USP47: variants seen among roughly 807,000 people sequenced by gnomAD.
USP47 encodes the protein ubiquitin specific peptidase 47.
Under a neutral mutation model 165.1 loss-of-function variants are expected in USP47, and 35 were observed. The observed-to-expected ratio is 0.21, with a 90% confidence interval of 0.16 to 0.28. The LOEUF is 0.28. Among genes scored for constraint, USP47 ranks in the 10% least tolerant of loss-of-function variants. The probability of loss-of-function intolerance (pLI) is 1.00; values close to 1 mark genes in which losing one functional copy is unlikely to be tolerated. For synonymous variants in USP47, 531 were observed against 544.5 expected (o/e 0.98, Z 0.35); for missense variants, 1,277 against 1,607.4 (o/e 0.79, Z 3.52).
At chr11:11,922,675 T>C (rs993503366) in intron 10 of USP47, 49 bp from the exon 11 acceptor site, 4 of 1,490,228 alleles carry the variant, frequency 2.7e-6, no homozygotes, top group Non-Finnish European at 3.6e-6. Flanking sequence ...TTGTTGAACA[T>C]ATTTTCTCTG....
chr11:11,875,033 TTG>T (rs57342188), intron 1 of USP47, among the ~76,000 whole-genome samples: 13,616 of 94,906 alleles, frequency 0.14, 767 homozygotes, highest in African/African-American at 0.16. Context: ...AATTGACTTA[TTG>T]TGTGTGTGTG....
At chr11:11,854,815 C>T (rs1472688330) in intron 1 of USP47, among the ~76,000 whole-genome samples, 6 of 146,682 alleles carry the variant, frequency 4.1e-5, no homozygotes, top group Non-Finnish European at 7.6e-5. Context: ...ACACATAGGC[C>T]GGGTGTGGTG....
In USP47 at chr11:11,956,707, C is replaced by CGTA. The variant is rs1163890186; in HGVS notation, c.*533_*535dup. The stretch of plus-strand genomic sequence containing the variant: ...AAGAAAAGAAATTCTTGGAACCAGC[C>CGTA]GTAACCCAGTAAGGAATTGTGAAGT... On this transcript the variant is annotated 3_prime_UTR_variant, in exon 28 of 28. Transcript: ENST00000527733. 1 of 152,750 alleles carries CGTA rather than the reference C, an allele frequency of 6.5e-6. No individual in the cohort carries two copies. Among genetic ancestry groups the CGTA allele is most frequent in the Admixed American group, 6.5e-5 (1 of 15,288 alleles). The allele number at this position is 152,750 out of a possible 1,614,324, so 9.5% of individuals were successfully genotyped here. A position where few individuals can be genotyped will look rare whatever the true frequency, so the allele number is the denominator to read the frequency against.
intron 11 of USP47, among the ~76,000 whole-genome samples, chr11:11,923,942 A>G (rs1854050019): frequency 6.6e-6 from 1 of 152,234 alleles, no homozygotes; most frequent in South Asian, 2.1e-4. Flanking sequence ...GTTTTTACAT[A>G]CACTTTCATT....
intron 20 of USP47, among the ~76,000 whole-genome samples, chr11:11,947,320 C>T (rs558394539): frequency 6.6e-6 from 1 of 152,276 alleles, no homozygotes; most frequent in South Asian, 2.1e-4. Context: ...CATTTAAATA[C>T]AGTTCCTGTT....
chr11:11,928,862 GA>G (rs1854446943), intron 11 of USP47, among the ~76,000 whole-genome samples: 1 of 151,838 alleles, frequency 6.6e-6, no homozygotes, highest in Admixed American at 6.6e-5. Flanking sequence ...AAACTTTAAA[GA>G]ATTGTTTGCA....
rs777777982 is a variant in USP47 at position 11,942,899 on chromosome 11, C to T, written c.2878C>T (p.Pro960Ser). The change falls in exon 20 of 28, where the codon CCT becomes TCT. Residue 960 changes from proline to serine, a missense_variant. Pro to Ser is a moderately conservative substitution (Grantham distance 74). Around this residue, in one of 4 missense-constraint regions of USP47, gnomAD observed 909 missense variants for 1,068.1 expected, o/e 0.85. Coordinates refer to ENST00000527733, the MANE Select transcript of USP47 (RefSeq NM_001282659.2). ...GTGCAATGCAGACAATGCTCAGATC[C>T]CTTTGGCTAATGGACTTGACTCTCA... The part of the protein sequence containing the change: ...TLCNADNAQI[P>S]LANGLDSHSI... 1 of 1,613,562 alleles carries T rather than the reference C, an allele frequency of 6.2e-7. No individual in the cohort carries two copies. Among genetic ancestry groups the T allele is most frequent in the Middle Eastern group, 1.7e-4 (1 of 6,060 alleles).
At position 11,926,881 on chromosome 11, in the gene USP47, G is replaced by T. The variant is rs537087429; in HGVS notation, c.1387-2553G>T. 4.7e-5 allele frequency among the ~76,000 whole-genome samples: 7 copies of T among 147,904 alleles called. 1 individual carries two copies. Among genetic ancestry groups the T allele is most frequent in the African/African-American group, 4.9e-5 (2 of 40,858 alleles). ...CTTTTGTTTCATTGCATAAGTTTTG[G>T]TATGTTATGTTTTTGTTTTCATTTG... On this transcript the variant is annotated intron_variant, in intron 11 of 27. Transcript: ENST00000527733.
In USP47 at chr11:11,920,410, A is replaced by G. The variant is rs1310902826; in HGVS notation, c.1134A>G (p.Thr378=). The G allele has an allele frequency of 4.3e-6, 7 of 1,611,736 alleles. No homozygotes were observed. The highest frequency in any genetic ancestry group is 2.2e-5 in the East Asian group (1 of 44,758). The part of the protein sequence containing the change: ...LQLKRFDFDY[T]TMHRIKLNDR... ...TGAAAAGATTCGATTTTGATTATAC[A>G]ACCATGCATAGGATTAAACTGAATG... The change falls in exon 10 of 28, where the codon ACA becomes ACG. Residue 378 remains threonine (T), a synonymous_variant. Coordinates refer to ENST00000527733, the MANE Select transcript of USP47 (RefSeq NM_001282659.2).
At chr11:11,929,312 A>G in intron 11 of USP47, 122 bp from the exon 12 acceptor site, 1 of 1,326,364 alleles carries the variant, frequency 7.5e-7, no homozygotes, top group East Asian at 2.5e-5. Flanking sequence ...GGGAAAGTTG[A>G]CCTGTAATAT....
At chr11:11,931,706 AAAC>A (rs61536017) in intron 14 of USP47, among the ~76,000 whole-genome samples, 284 of 152,318 alleles carry the variant, frequency 1.9e-3, no homozygotes, top group Middle Eastern at 6.8e-3. Flanking sequence ...TCTTTCCTAG[AAAC>A]AACAGCTTTT....
intron 11 of USP47, among the ~76,000 whole-genome samples, chr11:11,923,911 C>T (rs1854046656): frequency 6.6e-6 from 1 of 152,238 alleles, no homozygotes; most frequent in African/African-American, 2.4e-5. Context: ...GCTCAAGAGC[C>T]AAATCTGGGC....
intron 16 of USP47, among the ~76,000 whole-genome samples, chr11:11,935,922 C>G (rs116614581): frequency 0.019 from 2,847 of 151,922 alleles, 66 homozygotes; most frequent in African/African-American, 0.055. Flanking sequence ...ATTAAGAAAA[C>G]AAAAGGTGCA....
intron 17 of USP47, among the ~76,000 whole-genome samples, chr11:11,937,003 A>G (rs546967148): frequency 1.3e-5 from 2 of 151,812 alleles, no homozygotes; most frequent in East Asian, 3.9e-4. Context: ...CATCCTCTCT[A>G]TTTCTACAGG....
intron 3 of USP47, among the ~76,000 whole-genome samples, chr11:11,887,022 G>A (rs1372425078): frequency 4.6e-5 from 7 of 152,138 alleles, no homozygotes; most frequent in Admixed American, 2.6e-4. Context: ...CTTTTCAGAC[G>A]AGCAAATGCT....
rs568012030 is a variant in USP47, at chr11:11,934,177, G to T, written c.1869+242G>T. Among the ~76,000 whole-genome samples, 170 of 152,198 alleles carry T rather than the reference G, an allele frequency of 1.1e-3. 1 individual carries two copies. The highest frequency in any genetic ancestry group is 1.4e-3 in the South Asian group (7 of 4,828). On this transcript the variant is annotated intron_variant, in intron 16 of 27. Coordinates refer to ENST00000527733, the MANE Select transcript of USP47 (RefSeq NM_001282659.2). The stretch of plus-strand genomic sequence containing the variant: ...GATCCCAGAATTAAAATTAGGAACA[G>T]AATGTTTATTTGCTCTTTCTATTCA...
chr11:11,918,916 GT>G (rs1246250002), intron 8 of USP47, among the ~76,000 whole-genome samples: 1 of 151,750 alleles, frequency 6.6e-6, no homozygotes, highest in Non-Finnish European at 1.5e-5. Context: ...TTGTTTTTCT[GT>G]TGTTTTTTAT....
intron 8 of USP47, among the ~76,000 whole-genome samples, chr11:11,916,300 A>T (rs1853413593): frequency 1.3e-5 from 2 of 152,176 alleles, no homozygotes; most frequent in African/African-American, 4.8e-5. Context: ...AAATAAAAAG[A>T]TGTGCAGAAT....
chr11:11,954,595 C>T (rs549042660), intron 25 of USP47, among the ~76,000 whole-genome samples: 2 of 152,164 alleles, frequency 1.3e-5, no homozygotes, highest in Non-Finnish European at 2.9e-5. Flanking sequence ...AGAATGTGGT[C>T]ACTTTGTATC....
Sources: gnomAD v4.1 joint callset for allele counts (sites outside exome capture counted in the v4.1 genomes callset) on GRCh38, gnomAD v4.1.1 for gene constraint, gnomAD v4.1.1 regional missense constraint, MANE v1.5 for transcripts, NCBI Gene and HGNC (gene_info 2026-07-23, HGNC 2026-07-21) for gene names.